TLR5: variants seen among roughly 807,000 people sequenced by gnomAD.
The protein encoded by TLR5 is toll like receptor 5.
For missense variants in TLR5, 944 were observed against 999.8 expected (o/e 0.94, Z 0.75); for synonymous variants, 373 against 384.4 (o/e 0.97, Z 0.35).
chr1:223,122,107 G>GT (rs1047212948), intron 5 of TLR5, among the ~76,000 whole-genome samples: 1 of 152,164 alleles, frequency 6.6e-6, no homozygotes, highest in African/African-American at 2.4e-5. Flanking sequence ...TACCTCCAAG[G>GT]TTTGGGACAG....
In TLR5 at chr1:223,112,944, T is replaced by C; in HGVS notation, c.88A>G (p.Ile30Val). Residue 30 changes from isoleucine (I) to valine (V), a missense_variant, in exon 6 of 6, where the codon ATA becomes GTA. Coordinates refer to ENST00000642603, the MANE Select transcript of TLR5 (RefSeq NM_003268.6). The part of the protein sequence containing the change: ...GIPSCSFDGR[I>V]AFYRFCNLTQ... ...AGGTTGCAGAAACGATAAAAGGCTA[T>C]TCGGCCATCAAAGGAGCAGGAAGGA... 6.2e-7 allele frequency: 1 copy of C among 1,614,176 alleles called. No homozygotes were observed. The highest frequency in any genetic ancestry group is 8.5e-7 in the Non-Finnish European group (1 of 1,180,026).
At position 223,110,714 on chromosome 1, in the gene TLR5, C is replaced by G; in HGVS notation, c.2318G>C (p.Ser773Thr). 1 of 1,614,190 alleles carries G rather than the reference C, an allele frequency of 6.2e-7. No individual in the cohort carries two copies. Among genetic ancestry groups the G allele is most frequent in the South Asian group, 1.1e-5 (1 of 91,080 alleles). The change falls in exon 6 of 6, where the codon AGT (serine) becomes ACT (threonine). Residue 773 changes from serine (S) to threonine (T), a missense_variant. By Grantham distance (58) the Ser-to-Thr change is moderately conservative (BLOSUM62 1). Transcript: ENST00000642603. The stretch of plus-strand genomic sequence containing the variant: ...AGATAAGCACCTGCCCTGGGCATAA[C>G]TGAAGGCTTCAAGGCACCAGCCATC... ...LRDGWCLEAF[S>T]YAQGRCLSDL...
At position 223,114,953 on chromosome 1, in the gene TLR5, G is replaced by A. The variant is rs142193610; in HGVS notation, c.-4-1918C>T. The stretch of plus-strand genomic sequence containing the variant: ...CCTATCCACTGCCCTACTGTAAGCC[G>A]CCGCCATCTCTTTGCATGGGCCAGA... On this transcript the variant is annotated intron_variant, in intron 5 of 5. Coordinates refer to ENST00000642603, the MANE Select transcript of TLR5 (RefSeq NM_003268.6). Among the ~76,000 whole-genome samples, 6 of 152,088 alleles carry A rather than the reference G, an allele frequency of 3.9e-5. No individual in the cohort carries two copies. In the South Asian group the frequency reaches 6.2e-4, roughly 16 times the overall value.
chr1:223,112,948 G>A lies in TLR5; in HGVS notation c.84C>T (p.Gly28=). Residue 28 remains glycine (G), a synonymous_variant, in exon 6 of 6, where the codon GGC becomes GGT. Coordinates refer to ENST00000642603, the MANE Select transcript of TLR5 (RefSeq NM_003268.6). ...TGCAGAAACGATAAAAGGCTATTCGGCCATCAAAGGAGCAGGAAGGAATTC... is the reference window on the plus strand; with the variant it reads ...TGCAGAAACGATAAAAGGCTATTCGACCATCAAAGGAGCAGGAAGGAATTC... ...VFGIPSCSFD[G]RIAFYRFCNL... 1.2e-6 allele frequency: 2 copies of A among 1,614,170 alleles called. No individual in the cohort carries two copies. The highest frequency in any genetic ancestry group is 1.7e-6 in the Non-Finnish European group (2 of 1,180,040).
intron 5 of TLR5, among the ~76,000 whole-genome samples, chr1:223,116,614 G>A (rs1656667805): frequency 6.6e-6 from 1 of 152,124 alleles, no homozygotes; most frequent in Admixed American, 6.5e-5. Flanking sequence ...GCCACTGCTG[G>A]CCGCCGCAGC....
intron 3 of TLR5, among the ~76,000 whole-genome samples, chr1:223,136,931 C>T (rs1657638442): frequency 6.6e-6 from 1 of 152,054 alleles, no homozygotes. Context: ...TCAGGTGATC[C>T]TCCCACCTCA....
chr1:223,128,277 G>C (rs1347700786), intron 5 of TLR5: 1 of 152,246 alleles, frequency 6.6e-6, no homozygotes, highest in African/African-American at 2.4e-5. Flanking sequence ...CCACGCAGCT[G>C]TCTACTGCAT....
intron 5 of TLR5, among the ~76,000 whole-genome samples, chr1:223,119,233 C>T (rs1186063283): frequency 1.3e-5 from 2 of 152,144 alleles, no homozygotes; most frequent in Admixed American, 1.3e-4. Context: ...CCAGCATCCA[C>T]ACAGCTGTAG....
chr1:223,111,595 G>C lies in TLR5; in HGVS notation c.1437C>G (p.Phe479Leu). The change falls in exon 6 of 6, where the codon TTC becomes TTG. Residue 479 changes from phenylalanine to leucine, a missense_variant. Transcript: ENST00000642603. Reference protein sequence around the residue: ...PSENPSLEQLFLGENMLQLAW... With the variant: ...PSENPSLEQLLLGENMLQLAW... ...CAAGTTGCAACATATTTTCTCCAAGGAAAAGCTGTTCTAAGCTGGGATTCT... is the reference window on the plus strand; with the variant it reads ...CAAGTTGCAACATATTTTCTCCAAGCAAAAGCTGTTCTAAGCTGGGATTCT... 1 of 1,614,132 alleles carries C rather than the reference G, an allele frequency of 6.2e-7. No homozygotes were observed. Among genetic ancestry groups the C allele is most frequent in the Non-Finnish European group, 8.5e-7 (1 of 1,180,012 alleles).
At chr1:223,132,387 A>G (rs536229858) in intron 5 of TLR5, 88 bp downstream of exon 5, 8 of 152,186 alleles carry the variant, frequency 5.3e-5, no homozygotes, top group Non-Finnish European at 1.2e-4. Context: ...ATGTATATAT[A>G]TATGTACAAA....
chr1:223,116,465 G>A (rs572733663), intron 5 of TLR5, among the ~76,000 whole-genome samples: 1 of 152,270 alleles, frequency 6.6e-6, no homozygotes, highest in African/African-American at 2.4e-5. Context: ...CTGGCCTCAG[G>A]AATTAAGCTG....
chr1:223,132,010 A>G (rs1008639782), intron 5 of TLR5, among the ~76,000 whole-genome samples: 1 of 151,944 alleles, frequency 6.6e-6, no homozygotes, highest in Non-Finnish European at 1.5e-5. Flanking sequence ...TTCATGCAGG[A>G]TCCCCCTGTA....
chr1:223,110,680 G>C lies in TLR5; in HGVS notation c.2352C>G (p.Asn784Lys), dbSNP rs1163726343. The C allele has an allele frequency of 6.2e-7, 1 of 1,614,170 alleles. No homozygotes were observed. Among genetic ancestry groups the C allele is most frequent in the Non-Finnish European group, 8.5e-7 (1 of 1,180,032 alleles). ...CAACCACCACCATGATGAGAGCACT[G>C]TTAAGGTCAGATAAGCACCTGCCCT... ...YAQGRCLSDLNSALIMVVVGS... is the reference protein window; with the variant it reads ...YAQGRCLSDLKSALIMVVVGS... The change falls in exon 6 of 6, where the codon AAC becomes AAG. Residue 784 changes from asparagine to lysine, a missense_variant. Transcript: ENST00000642603.
At chr1:223,127,613 AAT>A (rs1389696574) in intron 5 of TLR5, 2 of 152,226 alleles carry the variant, frequency 1.3e-5, no homozygotes, top group Non-Finnish European at 2.9e-5. Flanking sequence ...CAACAGTTCC[AAT>A]AAAACAGACG....
chr1:223,132,776 G>A (rs1657446053), intron 4 of TLR5, 137 bp from the exon 5 acceptor site: 2 of 152,214 alleles, frequency 1.3e-5, no homozygotes, highest in African/African-American at 4.8e-5. Context: ...AATTTTAATT[G>A]GAAAAGATCA....
chr1:223,112,594 A>C lies in TLR5; in HGVS notation c.438T>G (p.Ala146=), dbSNP rs1301114926. The C allele has an allele frequency of 1.9e-6, 3 of 1,614,138 alleles. No individual in the cohort carries two copies. In the South Asian group the frequency reaches 3.3e-5, roughly 18 times the overall value. ...LKDGYFRNLK[A]LTRLDLSKNQ... The stretch of plus-strand genomic sequence containing the variant: ...TTTTGGATAGATCCAAGCGAGTTAA[A>C]GCCTTTAAATTTCTGAAATAACCAT... Residue 146 remains alanine, a synonymous_variant, in exon 6 of 6, where the codon GCT becomes GCG. Coordinates refer to ENST00000642603, the MANE Select transcript of TLR5 (RefSeq NM_003268.6).
At chr1:223,137,797 CAG>C (rs571230387) in intron 2 of TLR5, among the ~76,000 whole-genome samples, 69 of 152,202 alleles carry the variant, frequency 4.5e-4, no homozygotes, top group African/African-American at 1.6e-3. Flanking sequence ...ATAAAACAAA[CAG>C]AAAGTCTTCT....
intron 5 of TLR5, among the ~76,000 whole-genome samples, chr1:223,122,239 T>C (rs1656983970): frequency 6.6e-6 from 1 of 152,050 alleles, no homozygotes; most frequent in Non-Finnish European, 1.5e-5. Context: ...TAAACCAACC[T>C]AAAAAGGGCA....
intron 4 of TLR5, 48 bp downstream of exon 4, chr1:223,134,634 T>G (rs1657532774): frequency 6.6e-6 from 1 of 152,278 alleles, no homozygotes; most frequent in Admixed American, 6.5e-5. Context: ...GCACAACATT[T>G]AAAATCGTCG....
Sources: allele counts gnomAD v4.1 joint callset (sites outside exome capture counted in the v4.1 genomes callset), GRCh38; gene constraint gnomAD v4.1.1; transcripts MANE v1.5; gene names NCBI Gene and HGNC (gene_info 2026-07-23, HGNC 2026-07-21).